Variants in LIPN observed in about 807,000 individuals in gnomAD.
LIPN encodes lipase member N.
LIPN carries 32 observed loss-of-function variants against 43.7 expected under a neutral mutation model. The observed-to-expected ratio is 0.73, with a 90% confidence interval of 0.55 to 0.98. The LOEUF is 0.98. Among genes scored for constraint, LIPN ranks in the 50% least tolerant of loss-of-function variants. LIPN has a pLI of 0.00. For missense variants in LIPN, 505 were observed against 483.8 expected (o/e 1.04, Z -0.41); for synonymous variants, 156 against 157.6 (o/e 0.99, Z 0.08).
At chr10:88,768,990 T>A in intron 6 of LIPN, 62 bp downstream of exon 6, 2 of 1,474,282 alleles carry the variant, frequency 1.4e-6, no homozygotes, top group Non-Finnish European at 9.4e-7. Context: ...TCCTTATTAT[T>A]TTCAAATCTA....
At chr10:88,761,335 T>G in intron 1 of LIPN, 63 bp from the exon 2 acceptor site, 3 of 966,808 alleles carry the variant, frequency 3.1e-6, no homozygotes, top group Non-Finnish European at 5.0e-6. Context: ...ACTAATCATT[T>G]TATTTCATTA....
chr10:88,772,667 T>C (rs1843229813), intron 7 of LIPN, among the ~76,000 whole-genome samples: 1 of 151,934 alleles, frequency 6.6e-6, no homozygotes, highest in African/African-American at 2.4e-5. Context: ...GTTTGTAGTA[T>C]AATTTGAAGT....
intron 2 of LIPN, 147 bp downstream of exon 2, chr10:88,761,660 A>G (rs1270170805): frequency 5.0e-6 from 3 of 594,410 alleles, no homozygotes; most frequent in Non-Finnish European, 8.8e-6. Context: ...CAAGCTAGTT[A>G]GATCTTTGTC....
chr10:88,772,855 T>TA (rs57581860), intron 7 of LIPN, among the ~76,000 whole-genome samples: 90 of 147,616 alleles, frequency 6.1e-4, no homozygotes, highest in African/African-American at 2.1e-3. Flanking sequence ...CAAATAATCT[T>TA]AAAAAAAAAG....
intron 3 of LIPN, 47 bp from the exon 4 acceptor site, chr10:88,764,363 C>G: frequency 7.0e-7 from 1 of 1,421,318 alleles, no homozygotes. Context: ...CTTTCTCTCT[C>G]TCTCTTTCTC....
chr10:88,765,042 G>T (rs501040), intron 4 of LIPN, among the ~76,000 whole-genome samples: 35,909 of 151,766 alleles, frequency 0.24, 4,382 homozygotes, highest in East Asian at 0.35. Flanking sequence ...GCTCCTGGAT[G>T]GCCAATCAAC....
Position 88,770,822 on chromosome 10 carries a change from ATAAT to A in LIPN, c.673-20_673-17del, listed in dbSNP as rs1554828804. 1.5e-6 allele frequency: 2 copies of A among 1,362,948 alleles called. No homozygotes were observed. Among genetic ancestry groups the A allele is most frequent in the East Asian group, 2.5e-5 (1 of 39,724 alleles). 84.4% of individuals were successfully genotyped at this position (1,362,948 alleles called of 1,614,324 possible). A position where few individuals can be genotyped will look rare whatever the true frequency, so the allele number is the denominator to read the frequency against. On this transcript the variant is annotated intron_variant, in intron 6 of 9. Coordinates refer to ENST00000404459, the MANE Select transcript of LIPN (RefSeq NM_001102469.2). ...TGCAAATATTTTATCTCATTCAAAGATAATTATTATTTACTTTCATAGGCTGTTT... is the reference window on the plus strand; with the variant it reads ...TGCAAATATTTTATCTCATTCAAAGATATTATTTACTTTCATAGGCTGTTT...
chr10:88,774,788 TGAAGCAAG>T (rs1467596221), intron 8 of LIPN, among the ~76,000 whole-genome samples: 1 of 151,926 alleles, frequency 6.6e-6, no homozygotes, highest in East Asian at 1.9e-4. Context: ...GGCCCTGAAC[TGAAGCAAG>T]AGGTAAACTA....
At chr10:88,758,638 A>G (rs1590169854), upstream of LIPN, among the ~76,000 whole-genome samples, 1 of 150,934 alleles carries the variant, frequency 6.6e-6, no homozygotes, top group African/African-American at 2.4e-5. Context: ...ATACTTATTA[A>G]AATAGCAAGC....
At chr10:88,760,803 C>T (rs1173419870) in intron 1 of LIPN, among the ~76,000 whole-genome samples, 1 of 152,100 alleles carries the variant, frequency 6.6e-6, no homozygotes, top group African/African-American at 2.4e-5. Flanking sequence ...ATATGATGAG[C>T]ACGCTGTTTA....
chr10:88,773,746 G>T (rs1843248810), intron 7 of LIPN, among the ~76,000 whole-genome samples: 1 of 151,950 alleles, frequency 6.6e-6, no homozygotes. Flanking sequence ...AATTGTGTTA[G>T]ACTGAAACCC....
rs999660633 is a variant in LIPN at position 88,779,247 on chromosome 10, T to A, written c.*1005T>A. ...GCAAGACTGTAAATCTGATCAAGTG[T>A]TCTGATGCAGGCTGATATCCTTCTG... is the stretch of plus-strand genomic sequence containing the variant. On this transcript the variant is annotated 3_prime_UTR_variant, in exon 10 of 10. Coordinates refer to ENST00000404459, the MANE Select transcript of LIPN (RefSeq NM_001102469.2). Among the ~76,000 whole-genome samples the A allele has an allele frequency of 6.6e-6, 1 of 152,204 alleles. No homozygotes were observed. The highest frequency in any genetic ancestry group is 2.4e-5 in the African/African-American group (1 of 41,458).
At chr10:88,761,326 C>A in intron 1 of LIPN, 72 bp from the exon 2 acceptor site, 2 of 904,374 alleles carry the variant, frequency 2.2e-6, no homozygotes, top group Non-Finnish European at 3.6e-6. Flanking sequence ...AATAATTTCA[C>A]TAATCATTTT....
chr10:88,768,045 CACACACACACACACACAT>C lies in LIPN; in HGVS notation c.536-746_536-729del, dbSNP rs1050683521. On this transcript the variant is annotated intron_variant, in intron 5 of 9. Coordinates refer to ENST00000404459, the MANE Select transcript of LIPN (RefSeq NM_001102469.2). ...ACACACACACACACACACACACACA[CACACACACACACACACAT>C]GCCAGTGGAGGCCCAGGAAGGGACC... Among the ~76,000 whole-genome samples the C allele has an allele frequency of 1.3e-4, 20 of 149,810 alleles. No homozygotes were observed. The East Asian group carries it at 3.3e-3, about 25-fold the overall frequency.
In LIPN at chr10:88,766,289, A is replaced by G. The variant is rs369642607; in HGVS notation, c.446A>G (p.Tyr149Cys). 1.1e-4 allele frequency: 183 copies of G among 1,601,558 alleles called. 4 individuals carry two copies. In the South Asian group the frequency reaches 1.9e-3, roughly 17 times the overall value. The change falls in exon 5 of 10, where the codon TAT (tyrosine) becomes TGT (cysteine). Residue 149 changes from tyrosine (Y) to cysteine (C), a missense_variant. By Grantham distance (194) the Tyr-to-Cys change is radical (BLOSUM62 -2). Coordinates refer to ENST00000404459, the MANE Select transcript of LIPN (RefSeq NM_001102469.2). ...WAFSFDEMAK[Y>C]DLPGVIDFIV... is the part of the protein sequence containing the mutation. Reference sequence around the variant, plus strand: ...TGCAGTTTTGATGAAATGGCCAAATATGATCTCCCAGGAGTAATAGACTTC... The same window carrying G: ...TGCAGTTTTGATGAAATGGCCAAATGTGATCTCCCAGGAGTAATAGACTTC...
At chr10:88,771,698 T>C (rs1178765844) in intron 7 of LIPN, among the ~76,000 whole-genome samples, 1 of 151,866 alleles carries the variant, frequency 6.6e-6, no homozygotes, top group Non-Finnish European at 1.5e-5. Flanking sequence ...TGAATAGTGC[T>C]GTACTAAACA....
chr10:88,768,667 C>A, intron 5 of LIPN, 125 bp from the exon 6 acceptor site: 1 of 677,916 alleles, frequency 1.5e-6, no homozygotes, highest in Non-Finnish European at 2.5e-6. Context: ...ACTCAGAAGA[C>A]TTCCAATTCA....
Position 88,778,919 on chromosome 10 carries a change from G to C in LIPN, c.*677G>C, listed in dbSNP as rs1003240303. Among the ~76,000 whole-genome samples the C allele has an allele frequency of 2.0e-5, 3 of 152,120 alleles. No homozygotes were observed. The highest frequency in any genetic ancestry group is 4.4e-5 in the Non-Finnish European group (3 of 68,012). ...ATCAATATCATTTTATAATCATAGGGAGGCTTCTTTGTTTAGCATGTAATG... is the reference window on the plus strand; with the variant it reads ...ATCAATATCATTTTATAATCATAGGCAGGCTTCTTTGTTTAGCATGTAATG... On this transcript the variant is annotated 3_prime_UTR_variant, in exon 10 of 10. Coordinates refer to ENST00000404459, the MANE Select transcript of LIPN (RefSeq NM_001102469.2).
chr10:88,777,589 C>G (rs1016393456), intron 9 of LIPN, among the ~76,000 whole-genome samples: 4 of 151,796 alleles, frequency 2.6e-5, no homozygotes, highest in Non-Finnish European at 5.9e-5. Flanking sequence ...CTATCATATT[C>G]CTTTACATAT....
Sources: allele counts gnomAD v4.1 joint callset (sites outside exome capture counted in the v4.1 genomes callset), GRCh38; gene constraint gnomAD v4.1.1; transcripts MANE v1.5; gene names NCBI Gene and HGNC (gene_info 2026-07-23, HGNC 2026-07-21).